Variants in OPRM1 observed in about 807,000 individuals in gnomAD.
The protein encoded by OPRM1 is opioid receptor mu 1, also known as mu-type opioid receptor.
A neutral mutation model predicts 31.8 loss-of-function variants in OPRM1; 27 were observed. The observed-to-expected ratio is 0.85, with a 90% CI of 0.63 to 1.17. The LOEUF (loss-of-function observed/expected upper bound fraction) is 1.17, where lower values mean the gene tolerates loss of function less well. Ranked by LOEUF, OPRM1 falls within the 50% of genes most tolerant of loss-of-function variation. The pLI, the probability that OPRM1 is intolerant of heterozygous loss-of-function variation, is 0.00. For synonymous variants in OPRM1, 196 were observed against 189.9 expected (o/e 1.03, Z -0.26); for missense variants, 536 against 511.1 (o/e 1.05, Z -0.47).
chr6:154,213,001 TG>T (rs1778092314), intron 3 of OPRM1: 1 of 643,070 alleles, frequency 1.6e-6, no homozygotes, highest in Admixed American at 2.4e-5. Context: ...GGTAACTACC[TG>T]GTGCAAAGGA....
At chr6:154,190,099 C>T (rs1562531541) in intron 3 of OPRM1, among the ~76,000 whole-genome samples, 1 of 152,130 alleles carries the variant, frequency 6.6e-6, no homozygotes. Context: ...ACTTCCTATA[C>T]TTATATTGAC....
At chr6:154,212,791 G>T in intron 3 of OPRM1, 3 of 1,612,472 alleles carry the variant, frequency 1.9e-6, no homozygotes, top group Non-Finnish European at 1.7e-6. Context: ...TCTGGGAAGC[G>T]TGAGGAGGGG....
rs1045824491 is a variant in OPRM1, at chr6:154,044,273, T to C, written c.290+4439T>C. Among the ~76,000 whole-genome samples the C allele has an allele frequency of 5.3e-5, 8 of 151,980 alleles. 1 individual carries two copies. The highest frequency in any genetic ancestry group is 3.3e-4 in the Admixed American group (5 of 15,250). On this transcript the variant is annotated intron_variant, in intron 1 of 3. Transcript: ENST00000330432. Reference sequence around the variant, plus strand: ...AACATTTACTACATATGGAAACACATATATATATAGTAAACATATGGAAAC... The same window carrying C: ...AACATTTACTACATATGGAAACACACATATATATAGTAAACATATGGAAAC...
Position 154,039,727 on chromosome 6 carries a change from G to A in OPRM1, c.183G>A (p.Pro61=), listed in dbSNP as rs1168832508. 6.2e-7 allele frequency: 1 copy of A among 1,610,876 alleles called. No homozygotes were observed. The highest frequency in any genetic ancestry group is 8.5e-7 in the Non-Finnish European group (1 of 1,179,898). Residue 61 remains proline, a synonymous_variant, in exon 1 of 4, where the codon CCG becomes CCA. Transcript: ENST00000330432. ...GCGGGAGAGACAGCCTGTGCCCTCC[G>A]ACCGGCAGTCCCTCCATGATCACGG... The part of the protein sequence containing the change: ...DLGGRDSLCP[P]TGSPSMITAI...
chr6:154,066,336 A>G (rs1337584774), intron 1 of OPRM1, among the ~76,000 whole-genome samples: 2 of 152,056 alleles, frequency 1.3e-5, no homozygotes, highest in African/African-American at 2.4e-5. Flanking sequence ...AATTTTGAGA[A>G]GTATTGGTAT....
At chr6:154,188,773 C>T (rs888577223) in intron 3 of OPRM1, among the ~76,000 whole-genome samples, 8 of 152,052 alleles carry the variant, frequency 5.3e-5, no homozygotes, top group African/African-American at 9.7e-5. Flanking sequence ...AGAAAAATGG[C>T]GTGTACAGAA....
At chr6:154,140,634 T>G (rs1466048300) in intron 3 of OPRM1, among the ~76,000 whole-genome samples, 1 of 152,114 alleles carries the variant, frequency 6.6e-6, no homozygotes, top group Admixed American at 6.6e-5. Flanking sequence ...CTGGCCTTAT[T>G]TTTGAGGCAC....
At position 154,190,885 on chromosome 6, in the gene OPRM1, T is replaced by A. The variant is rs1469177626; in HGVS notation, c.1165-55808T>A. ...TCCTGGCTAACACGGTGAAACCCCG[T>A]CTCTACTAAAAACACAAAAAATTAG... On this transcript the variant is annotated intron_variant, in intron 3 of 3. Coordinates refer to the OPRM1 transcript ENST00000337049. Among the ~76,000 whole-genome samples the A allele has an allele frequency of 3.3e-5, 5 of 152,058 alleles. No individual in the cohort carries two copies. The East Asian group carries it at 5.8e-4, about 18-fold the overall frequency.
At chr6:154,063,600 T>C (rs1033691850) in intron 1 of OPRM1, among the ~76,000 whole-genome samples, 2 of 151,964 alleles carry the variant, frequency 1.3e-5, no homozygotes, top group Non-Finnish European at 2.9e-5. Flanking sequence ...TCTCTAGAAC[T>C]CATTTCATCT....
At chr6:154,148,514 C>G (rs1190061866) in intron 3 of OPRM1, among the ~76,000 whole-genome samples, 1 of 152,236 alleles carries the variant, frequency 6.6e-6, no homozygotes, top group East Asian at 1.9e-4. Context: ...AGCCCATGCA[C>G]ATGTCAACAG....
rs141050290 is a variant in OPRM1 at position 154,132,047 on chromosome 6, T to C, written c.*13326T>C. Among the ~76,000 whole-genome samples the C allele has an allele frequency of 6.6e-6, 1 of 152,154 alleles. No homozygotes were observed. The highest frequency in any genetic ancestry group is 1.5e-5 in the Non-Finnish European group (1 of 67,976). ...TTAAAGTAGAGACAAAGCTACTATT[T>C]CACATTTCCAGGTAGGACAGGATGA... On this transcript the variant is annotated 3_prime_UTR_variant, in exon 4 of 4. Transcript: ENST00000330432.
intron 3 of OPRM1, among the ~76,000 whole-genome samples, chr6:154,172,027 TC>T: frequency 6.6e-6 from 1 of 152,214 alleles, no homozygotes; most frequent in Non-Finnish European, 1.5e-5. Flanking sequence ...TTTACATTTC[TC>T]TGTGTTCACC....
chr6:154,220,254 A>T (rs928762014), intron 3 of OPRM1, among the ~76,000 whole-genome samples: 3 of 152,118 alleles, frequency 2.0e-5, no homozygotes, highest in African/African-American at 7.2e-5. Flanking sequence ...CATATTTTCA[A>T]TTGGTCATGT....
upstream of OPRM1, among the ~76,000 whole-genome samples, chr6:154,035,941 C>T (rs1373559720): frequency 6.6e-6 from 1 of 151,858 alleles, no homozygotes; most frequent in Non-Finnish European, 1.5e-5. Context: ...TATTAAGGCT[C>T]AATGAAATAA....
intron 1 of OPRM1, among the ~76,000 whole-genome samples, chr6:154,085,657 G>C (rs1790358376): frequency 6.6e-6 from 1 of 152,164 alleles, no homozygotes; most frequent in African/African-American, 2.4e-5. Context: ...AAAGCAGTAG[G>C]CATGGAGTAA....
chr6:154,189,040 A>G (rs1468813315), intron 3 of OPRM1, among the ~76,000 whole-genome samples: 1 of 152,230 alleles, frequency 6.6e-6, no homozygotes, highest in Non-Finnish European at 1.5e-5. Context: ...AGTGAAGTAA[A>G]AAAGTAGAAA....
At chr6:154,089,769 C>A in intron 1 of OPRM1, 57 bp from the exon 2 acceptor site, 2 of 1,177,138 alleles carry the variant, frequency 1.7e-6, no homozygotes, top group Admixed American at 2.1e-5. Context: ...GGAAGCTTAC[C>A]TATATTTTAC....
chr6:154,142,097 T>C (rs923786840), intron 3 of OPRM1, among the ~76,000 whole-genome samples: 1 of 119,622 alleles, frequency 8.4e-6, no homozygotes, highest in Non-Finnish European at 1.8e-5. Flanking sequence ...TCTGGACCTG[T>C]AATCTGTCCC....
At chr6:154,187,346 T>C (rs2128576493) in intron 3 of OPRM1, among the ~76,000 whole-genome samples, 1 of 152,328 alleles carries the variant, frequency 6.6e-6, no homozygotes, top group Admixed American at 6.5e-5. Context: ...TGCTGTTTCC[T>C]ACTGTTTCCC....
Sources: allele counts gnomAD v4.1 joint callset (sites outside exome capture counted in the v4.1 genomes callset), GRCh38; gene constraint gnomAD v4.1.1; transcripts MANE v1.5; gene names NCBI Gene and HGNC (gene_info 2026-07-23, HGNC 2026-07-21).